HBS1L: variants seen among roughly 807,000 people sequenced by gnomAD.
The protein encoded by HBS1L is HBS1-like protein.
HBS1L carries 55 observed loss-of-function variants against 88.9 expected under a neutral mutation model. The ratio of observed to expected loss-of-function variants is 0.62; its 90% confidence interval spans 0.50 to 0.77. The LOEUF (loss-of-function observed/expected upper bound fraction) is 0.77, where lower values mean the gene tolerates loss of function less well. HBS1L is among the 30% of genes least tolerant of loss of function. HBS1L has a pLI of 0.00. For missense variants in HBS1L, 741 were observed against 829.3 expected, an observed-to-expected ratio of 0.89 and a Z score of 1.31; for synonymous variants, 267 against 288.5, an observed-to-expected ratio of 0.93 and a Z score of 0.76.
At chr6:135,010,731 G>T (rs1251393206) in intron 4 of HBS1L, among the ~76,000 whole-genome samples, 1 of 152,082 alleles carries the variant, frequency 6.6e-6, no homozygotes, top group Non-Finnish European at 1.5e-5. Context: ...TTTTGGGGGG[G>T]AAAATGCCAA....
chr6:134,993,419 A>G (rs969721182), intron 8 of HBS1L, among the ~76,000 whole-genome samples: 1 of 152,186 alleles, frequency 6.6e-6, no homozygotes, highest in Non-Finnish European at 1.5e-5. Context: ...GAATATATTG[A>G]AAGACATAAG....
At chr6:134,993,926 G>GC (rs1352592034) in intron 7 of HBS1L, 51 bp from the exon 8 acceptor site, 1 of 796,760 alleles carries the variant, frequency 1.3e-6, no homozygotes, top group Non-Finnish European at 2.0e-6. Flanking sequence ...TAGTGCTATA[G>GC]AGTAAATTAA....
At chr6:134,986,272 A>C in intron 10 of HBS1L, 89 bp from the exon 11 acceptor site, 1 of 702,038 alleles carries the variant, frequency 1.4e-6, no homozygotes, top group Non-Finnish European at 2.5e-6. Flanking sequence ...CCAAGTTTGC[A>C]AAAGCAACAA....
intron 12 of HBS1L, among the ~76,000 whole-genome samples, chr6:134,984,379 C>T (rs1774920036): frequency 6.6e-6 from 1 of 152,086 alleles, no homozygotes; most frequent in South Asian, 2.1e-4. Context: ...ATAGTACTTG[C>T]CTTCAAGGAG....
intron 8 of HBS1L, among the ~76,000 whole-genome samples, chr6:134,992,209 T>C (rs1482508051): frequency 6.6e-6 from 1 of 152,228 alleles, no homozygotes; most frequent in Non-Finnish European, 1.5e-5. Flanking sequence ...CAATGTCCTA[T>C]ATATGCAGTG....
chr6:135,012,931 C>G (rs1253365340), intron 4 of HBS1L, among the ~76,000 whole-genome samples: 1 of 152,196 alleles, frequency 6.6e-6, no homozygotes, highest in Non-Finnish European at 1.5e-5. Context: ...CTGAGAGCCT[C>G]TGAGGTAATT....
chr6:135,037,885 G>T, intron 4 of HBS1L: 1 of 1,551,004 alleles, frequency 6.4e-7, no homozygotes, highest in Non-Finnish European at 8.7e-7. Flanking sequence ...AGTTGGAACT[G>T]AAGAATTATG....
chr6:135,026,015 AG>A (rs1191103136), intron 4 of HBS1L, among the ~76,000 whole-genome samples: 2 of 152,238 alleles, frequency 1.3e-5, no homozygotes, highest in African/African-American at 4.8e-5. Flanking sequence ...AATAGAAAAC[AG>A]TAGAGCAACA....
intron 4 of HBS1L, chr6:135,037,337 G>A: frequency 1.3e-6 from 2 of 1,551,834 alleles, no homozygotes; most frequent in Middle Eastern, 1.7e-4. Flanking sequence ...GTTAGGGATG[G>A]ACTTTCACAC....
At chr6:135,012,099 T>A (rs1243070567) in intron 4 of HBS1L, among the ~76,000 whole-genome samples, 1 of 152,084 alleles carries the variant, frequency 6.6e-6, no homozygotes, top group Non-Finnish European at 1.5e-5. Flanking sequence ...TTAACACTAA[T>A]GTGCAACAGT....
intron 4 of HBS1L, chr6:135,035,817 G>T: frequency 2.0e-5 from 7 of 346,346 alleles, no homozygotes; most frequent in Non-Finnish European, 2.7e-5. Context: ...AAGCTAAAGA[G>T]ATCTGGTAAA....
At chr6:135,029,711 T>A (rs938031425) in intron 4 of HBS1L, among the ~76,000 whole-genome samples, 6 of 152,102 alleles carry the variant, frequency 3.9e-5, no homozygotes, top group African/African-American at 1.4e-4. Flanking sequence ...TTATTAGCAA[T>A]AACAACTGGA....
chr6:135,038,567 T>C (rs1051215254), intron 4 of HBS1L, among the ~76,000 whole-genome samples: 11 of 152,198 alleles, frequency 7.2e-5, no homozygotes, highest in African/African-American at 2.4e-4. Context: ...AAACACACTC[T>C]TATTTCATGG....
In HBS1L at chr6:135,028,654, A is replaced by G. The variant is rs987097932; in HGVS notation, c.430+10919T>C. On this transcript the variant is annotated intron_variant, in intron 4 of 17. Coordinates refer to ENST00000367837, the MANE Select transcript of HBS1L (RefSeq NM_006620.4). Reference sequence around the variant, plus strand: ...AATAGATGAAACCATCTTAAATGTTAGCAAATAAAATCCATCACATTAAAA... The same window carrying G: ...AATAGATGAAACCATCTTAAATGTTGGCAAATAAAATCCATCACATTAAAA... Among the ~76,000 whole-genome samples, 16 of 152,312 alleles carry G rather than the reference A, an allele frequency of 1.1e-4. 1 individual carries two copies. The highest frequency in any genetic ancestry group is 7.8e-4 in the Admixed American group (12 of 15,304).
At chr6:134,977,407 G>A (rs868305331) in intron 15 of HBS1L, among the ~76,000 whole-genome samples, 4 of 151,800 alleles carry the variant, frequency 2.6e-5, no homozygotes, top group Non-Finnish European at 4.4e-5. Context: ...AGTTCCATTC[G>A]CTCACAACAA....
intron 4 of HBS1L, among the ~76,000 whole-genome samples, chr6:135,008,767 C>T (rs1775682887): frequency 6.6e-6 from 1 of 151,912 alleles, no homozygotes; most frequent in South Asian, 2.1e-4. Flanking sequence ...TGATTCATTC[C>T]TTTGGTCTTT....
intron 4 of HBS1L, among the ~76,000 whole-genome samples, chr6:135,011,158 C>A (rs951445528): frequency 6.6e-6 from 1 of 151,926 alleles, no homozygotes; most frequent in Non-Finnish European, 1.5e-5. Flanking sequence ...AAACGTAAAG[C>A]AAAGAGAAAA....
In HBS1L at chr6:134,965,308, A is replaced by C. The variant is rs748316339; in HGVS notation, c.2044-18T>G. ...TCTTTTATCTGTTAAAACAAAAAAA[A>C]AAAAGACATTTGCTGTAATTTAATC... is the stretch of plus-strand genomic sequence containing the variant. On this transcript the variant is annotated intron_variant, in intron 17 of 17. Coordinates refer to ENST00000367837, the MANE Select transcript of HBS1L (RefSeq NM_006620.4). 3 of 1,510,360 alleles carry C rather than the reference A, an allele frequency of 2.0e-6. No homozygotes were observed. The highest frequency in any genetic ancestry group is 2.7e-6 in the Non-Finnish European group (3 of 1,097,866). 93.6% of individuals were successfully genotyped at this position (1,510,360 alleles called of 1,614,324 possible).
At chr6:134,988,798 A>C (rs1775052696) in intron 8 of HBS1L, among the ~76,000 whole-genome samples, 1 of 152,210 alleles carries the variant, frequency 6.6e-6, no homozygotes, top group South Asian at 2.1e-4. Context: ...TTTACTTCCC[A>C]TCAATTCCAC....
Sources: allele counts gnomAD v4.1 joint callset (sites outside exome capture counted in the v4.1 genomes callset), GRCh38; gene constraint gnomAD v4.1.1; transcripts MANE v1.5; gene names NCBI Gene and HGNC (gene_info 2026-07-23, HGNC 2026-07-21).